PRUNE2: variants seen among roughly 807,000 people sequenced by gnomAD.
The protein encoded by PRUNE2 is prune homolog 2 with BCH domain, also known as protein prune homolog 2.
PRUNE2 carries 164 observed loss-of-function variants against 252.0 expected under a neutral mutation model. That is an observed-to-expected ratio of 0.65 (90% CI 0.57 to 0.74). The LOEUF is 0.74. PRUNE2 is among the 30% of genes least tolerant of loss of function. PRUNE2 has a pLI of 0.00. For missense variants in PRUNE2, 3,495 were observed against 3,711.0 expected (o/e 0.94, Z 1.51); for synonymous variants, 1,292 against 1,350.2 (o/e 0.96, Z 0.94).
intron 6 of PRUNE2, among the ~76,000 whole-genome samples, chr9:76,790,442 C>T (rs1169563007): frequency 6.6e-6 from 1 of 152,162 alleles, no homozygotes; most frequent in Non-Finnish European, 1.5e-5. Context: ...TCACTTCTGA[C>T]ATCTGTATTC....
chr9:76,676,285 C>G (rs370465365), intron 9 of PRUNE2, among the ~76,000 whole-genome samples: 6 of 118,818 alleles, frequency 5.0e-5, no homozygotes, highest in Non-Finnish European at 9.1e-5. Flanking sequence ...TTTTTTTTAA[C>G]AAAAATGTAA....
At position 76,707,123 on chromosome 9, in the gene PRUNE2, C is replaced by T. The variant is rs2046367152; in HGVS notation, c.5151G>A (p.Trp1717Ter). The change falls in exon 8 of 19, where the codon TGG becomes TGA. Residue 1717 changes from tryptophan to a stop codon, truncating the protein, a stop_gained. Transcript: ENST00000376718. LOFTEE classifies it high-confidence loss of function. ...ACTTATTAGATTCATTCAATGAATC[C>T]CAAGCTCTGGATTCATCCTCAGCAA... Reference protein sequence around the residue: ...CHVAEDESRAWDSLNESNKFL... With the variant: ...CHVAEDESRA The T allele has an allele frequency of 6.2e-7, 1 of 1,613,790 alleles. No homozygotes were observed. The highest frequency in any genetic ancestry group is 8.5e-7 in the Non-Finnish European group (1 of 1,179,854).
intron 1 of PRUNE2, among the ~76,000 whole-genome samples, chr9:76,886,025 A>G (rs932194903): frequency 6.8e-6 from 1 of 147,948 alleles, no homozygotes; most frequent in Non-Finnish European, 1.5e-5. Context: ...TAAAAATACA[A>G]AAAAAAAAAA....
intron 6 of PRUNE2, among the ~76,000 whole-genome samples, chr9:76,775,147 A>G (rs1047162247): frequency 6.6e-6 from 1 of 152,170 alleles, no homozygotes; most frequent in African/African-American, 2.4e-5. Flanking sequence ...GGTCGGGGGG[A>G]AAGAAAGGAC....
chr9:76,707,509 T>C lies in PRUNE2; in HGVS notation c.4765A>G (p.Thr1589Ala). Residue 1589 changes from threonine (T) to alanine (A), a missense_variant, in exon 8 of 19, where the codon ACT becomes GCT. Physicochemically the swap from Thr to Ala is moderately conservative, Grantham distance 58. Transcript: ENST00000376718. ...QNHQESELIT[T>A]DGQVEIVTKV... is the part of the protein sequence containing the mutation. ...GTAACTATTTCTACTTGGCCATCAG[T>C]GGTAATTAGTTCAGATTCTTGGTGA... 6.2e-7 allele frequency: 1 copy of C among 1,613,900 alleles called. No individual in the cohort carries two copies. The highest frequency in any genetic ancestry group is 8.5e-7 in the Non-Finnish European group (1 of 1,179,798).
intron 2 of PRUNE2, among the ~76,000 whole-genome samples, chr9:76,853,892 G>A (rs866597986): frequency 1.3e-5 from 2 of 152,196 alleles, no homozygotes; most frequent in Admixed American, 1.3e-4. Context: ...TATAAGGAGA[G>A]TTGGTAAGAA....
At position 76,725,317 on chromosome 9, in the gene PRUNE2, C is replaced by A. The variant is rs189472979; in HGVS notation, c.757-11596G>T. On this transcript the variant is annotated intron_variant, in intron 6 of 18. Coordinates refer to ENST00000376718, the MANE Select transcript of PRUNE2 (RefSeq NM_015225.3). ...ATCAAACTGTCTCTTTTGTTCCTCACGCTCCTTGCATGGGGAGCACAATAT... is the reference window on the plus strand; with the variant it reads ...ATCAAACTGTCTCTTTTGTTCCTCAAGCTCCTTGCATGGGGAGCACAATAT... 3.3e-5 allele frequency among the ~76,000 whole-genome samples: 5 copies of A among 152,198 alleles called. No homozygotes were observed. The South Asian group carries it at 1.0e-3, about 31-fold the overall frequency.
At chr9:76,727,630 TTTCTTC>T (rs1490388886) in intron 6 of PRUNE2, among the ~76,000 whole-genome samples, 2 of 149,420 alleles carry the variant, frequency 1.3e-5, no homozygotes, top group Non-Finnish European at 3.0e-5. Flanking sequence ...GAGTTGTTTC[TTTCTTC>T]TTCTTCTTCT....
intron 9 of PRUNE2, among the ~76,000 whole-genome samples, chr9:76,682,149 T>C (rs2043515881): frequency 6.6e-6 from 1 of 152,080 alleles, no homozygotes; most frequent in Non-Finnish European, 1.5e-5. Context: ...CAGAAGCCCC[T>C]CAGTAGACGG....
At chr9:76,776,340 C>A (rs2053738501) in intron 6 of PRUNE2, among the ~76,000 whole-genome samples, 1 of 151,526 alleles carries the variant, frequency 6.6e-6, no homozygotes, top group Admixed American at 6.5e-5. Flanking sequence ...TCTCTGTGTC[C>A]ATGTGTACAC....
intron 1 of PRUNE2, 41 bp downstream of exon 1, chr9:76,905,887 A>ACG (rs765279132): frequency 1.2e-5 from 19 of 1,612,696 alleles, no homozygotes; most frequent in East Asian, 2.2e-5. Context: ...CCATTAGCAT[A>ACG]CGCGCGCGCG....
chr9:76,707,089 T>G lies in PRUNE2; in HGVS notation c.5185A>C (p.Thr1729Pro). ...SLNESNKFLV[T>P]ADPKSENIYD... ...ATATTTTCAGACTTAGGATCAGCTG[T>G]GACCAAGAACTTATTAGATTCATTC... The change falls in exon 8 of 19, where the codon ACA (threonine) becomes CCA (proline). Residue 1729 changes from threonine to proline, a missense_variant. Coordinates refer to ENST00000376718, the MANE Select transcript of PRUNE2 (RefSeq NM_015225.3). 3.1e-6 allele frequency: 5 copies of G among 1,613,986 alleles called. No homozygotes were observed. Among genetic ancestry groups the G allele is most frequent in the Non-Finnish European group, 4.2e-6 (5 of 1,179,884 alleles).
At chr9:76,905,797 G>C in intron 1 of PRUNE2, 131 bp downstream of exon 1, 1 of 1,184,148 alleles carries the variant, frequency 8.4e-7, no homozygotes, top group Non-Finnish European at 1.3e-6. Context: ...TCTTCCAGGA[G>C]ACAACCCGCA....
At chr9:76,652,418 G>C (rs1344868414) in intron 11 of PRUNE2, 65 bp downstream of exon 11, 1 of 1,087,628 alleles carries the variant, frequency 9.2e-7, no homozygotes, top group Non-Finnish European at 1.4e-6. Context: ...AAAAATGAGA[G>C]GTCTGTTAGA....
At chr9:76,676,077 C>A (rs201311425) in intron 9 of PRUNE2, among the ~76,000 whole-genome samples, 2 of 148,094 alleles carry the variant, frequency 1.4e-5, no homozygotes, top group African/African-American at 2.5e-5. Context: ...AAAAAAAAAC[C>A]AAAAACAAAA....
At chr9:76,882,185 T>A (rs989956696) in intron 1 of PRUNE2, among the ~76,000 whole-genome samples, 1 of 152,196 alleles carries the variant, frequency 6.6e-6, no homozygotes, top group Non-Finnish European at 1.5e-5. Context: ...GCATACATAG[T>A]ATATTTACAG....
At position 76,710,300 on chromosome 9, in the gene PRUNE2, AC is replaced by A. The variant is rs1392858342; in HGVS notation, c.1973del (p.Gly658ValfsTer104). On this transcript the variant is annotated frameshift_variant, in exon 8 of 19. Transcript: ENST00000376718. LOFTEE classifies it high-confidence loss of function. ...TATTTTTGGAGTCAATTTCCAAACC[AC>A]CCCACCAGCTGCTGCACCGTGCATG... is the stretch of plus-strand genomic sequence containing the variant. Reference protein sequence around the residue: ...QTHARCSSWWGGLEIDSKNIA... With the variant: ...QTHARCSSWWXGLEIDSKNIA... 1.2e-6 allele frequency: 2 copies of A among 1,613,732 alleles called. No individual in the cohort carries two copies. The highest frequency in any genetic ancestry group is 1.7e-6 in the Non-Finnish European group (2 of 1,179,828).
rs1276301453 is a variant in PRUNE2, at chr9:76,649,643, T to TAGATAGATAGAA, written c.8557+2839_8557+2840insTTCTATCTATCT. Reference sequence around the variant, plus strand: ...ATAGATAGATAGATAGATAGATAGATAGAATAGGCTTTTTGTCTCAGTAAA... The same window carrying TAGATAGATAGAA: ...ATAGATAGATAGATAGATAGATAGATAGATAGATAGAAAGAATAGGCTTTTTGTCTCAGTAAA... On this transcript the variant is annotated intron_variant, in intron 11 of 18. Transcript: ENST00000376718. 2.6e-3 allele frequency among the ~76,000 whole-genome samples: 389 copies of TAGATAGATAGAA among 150,742 alleles called. 2 individuals carry two copies. The highest frequency in any genetic ancestry group is 8.9e-3 in the African/African-American group (361 of 40,508).
intron 1 of PRUNE2, among the ~76,000 whole-genome samples, chr9:76,875,359 TTTTG>T (rs140711645): frequency 0.056 from 8,544 of 152,114 alleles, 386 homozygotes; most frequent in African/African-American, 0.13. Context: ...GCTCTGTGTT[TTTTG>T]TTTGTTTGTT....
Sources: allele counts gnomAD v4.1 joint callset (sites outside exome capture counted in the v4.1 genomes callset), GRCh38; gene constraint gnomAD v4.1.1; transcripts MANE v1.5; gene names NCBI Gene and HGNC (gene_info 2026-07-23, HGNC 2026-07-21).